The following SP2 variants were observed in gnomAD, a reference collection of about 807,000 sequenced individuals.
SP2 encodes the protein Sp2 transcription factor.
A neutral mutation model predicts 50.1 loss-of-function variants in SP2; 9 were observed. The ratio of observed to expected loss-of-function variants is 0.18; its 90% CI spans 0.11 to 0.31. The LOEUF (loss-of-function observed/expected upper bound fraction) is 0.31. Ranked by LOEUF, SP2 falls within the 10% of genes least tolerant of loss-of-function variation. The probability of loss-of-function intolerance (pLI) is 1.00; values close to 1 mark genes in which losing one functional copy is unlikely to be tolerated. For missense variants in SP2, 581 were observed against 806.5 expected (o/e 0.72, Z 3.39); for synonymous variants, 313 against 326.6 (o/e 0.96, Z 0.45).
intron 1 of SP2, among the ~76,000 whole-genome samples, chr17:47,912,140 C>T (rs2035016082): frequency 6.6e-6 from 1 of 152,206 alleles, no homozygotes; most frequent in Non-Finnish European, 1.5e-5. Flanking sequence ...ATGACCTGTT[C>T]TTCTATATTA....
Position 47,927,920 on chromosome 17 carries a change from G to A in SP2, c.*96G>A. The stretch of plus-strand genomic sequence containing the variant: ...GGAGCCCTGTGGCTGCCTTGGGCCT[G>A]CCCTCAGCCCCACTCCTGTTCTGCA... On this transcript the variant is annotated 3_prime_UTR_variant, in exon 7 of 7. Transcript: ENST00000376741. 1 of 734,864 alleles carries A rather than the reference G, an allele frequency of 1.4e-6. No homozygotes were observed. The highest frequency in any genetic ancestry group is 1.6e-5 in the South Asian group (1 of 63,134). The allele number at this position is 734,864 out of a possible 1,614,324, so 45.5% of individuals were successfully genotyped here. A position where few individuals can be genotyped will look rare whatever the true frequency, so the allele number is the denominator to read the frequency against.
At chr17:47,910,920 T>A (rs1438001459) in intron 1 of SP2, among the ~76,000 whole-genome samples, 1 of 152,206 alleles carries the variant, frequency 6.6e-6, no homozygotes, top group Non-Finnish European at 1.5e-5. Context: ...CTATGGTATA[T>A]GTTCATTTTT....
intron 3 of SP2, among the ~76,000 whole-genome samples, chr17:47,920,047 C>T (rs2035386123): frequency 6.6e-6 from 1 of 151,588 alleles, no homozygotes; most frequent in Non-Finnish European, 1.5e-5. Context: ...ACCGTGTTGG[C>T]CAGGATGACT....
In SP2 at chr17:47,902,435, G is replaced by A. The variant is rs141568979; in HGVS notation, c.7+6142G>A. Among the ~76,000 whole-genome samples the A allele has an allele frequency of 8.2e-4, 125 of 152,304 alleles. 1 individual carries two copies. The highest frequency in any genetic ancestry group is 2.8e-3 in the African/African-American group (118 of 41,566). On this transcript the variant is annotated intron_variant, in intron 1 of 6. Coordinates refer to ENST00000376741, the MANE Select transcript of SP2 (RefSeq NM_003110.6). The stretch of plus-strand genomic sequence containing the variant: ...AAGTGTGATGGGTCTTACTCTGGAT[G>A]TGTTGAGAATAGACTGATGGGGTCA...
intron 5 of SP2, 26 bp from the exon 6 acceptor site, chr17:47,925,322 C>A: frequency 6.3e-7 from 1 of 1,595,958 alleles, no homozygotes; most frequent in South Asian, 1.1e-5. Context: ...CTATTCCCTC[C>A]ACTCCACCCT....
chr17:47,911,234 TAAAC>T (rs1010543960), intron 1 of SP2, among the ~76,000 whole-genome samples: 4 of 151,852 alleles, frequency 2.6e-5, no homozygotes, highest in African/African-American at 4.8e-5. Flanking sequence ...TCTAAATAAA[TAAAC>T]AAACAAATAA....
Position 47,916,117 on chromosome 17 carries a change from C to G in SP2, c.85-39C>G. ...GGACAGAGGCGGCCGGGCAGCGGGC[C>G]TTCCTGTCTCACTCCTTTTCTCTGC... On this transcript the variant is annotated intron_variant, in intron 2 of 6. Transcript: ENST00000376741. The surrounding 1 kb of genome is among the most constrained non-coding windows in gnomAD (Gnocchi z 4.7). The G allele has an allele frequency of 6.4e-7, 1 of 1,562,968 alleles. No individual in the cohort carries two copies. Among genetic ancestry groups the G allele is most frequent in the Non-Finnish European group, 8.7e-7 (1 of 1,154,054 alleles).
chr17:47,916,371 A>G lies in SP2; in HGVS notation c.300A>G (p.Gln100=). The change falls in exon 3 of 7, where the codon CAA becomes CAG. Residue 100 remains glutamine (Q), a synonymous_variant. Coordinates refer to ENST00000376741, the MANE Select transcript of SP2 (RefSeq NM_003110.6). The surrounding 1 kb of genome is among the most constrained non-coding windows in gnomAD (Gnocchi z 4.7). ...KGNILQIQGS[Q]LSASYPGGQL... ...ATATACTTCAGATTCAGGGGTCACA[A>G]CTGAGCGCCTCCTATCCTGGAGGGC... 1 of 1,614,016 alleles carries G rather than the reference A, an allele frequency of 6.2e-7. No homozygotes were observed. The highest frequency in any genetic ancestry group is 8.5e-7 in the Non-Finnish European group (1 of 1,179,984).
chr17:47,918,289 C>G (rs764435479), intron 3 of SP2, among the ~76,000 whole-genome samples: 22 of 152,164 alleles, frequency 1.4e-4, no homozygotes, highest in Non-Finnish European at 2.9e-4. Context: ...ATTCACCCTT[C>G]TGGCATATTT....
Position 47,911,729 on chromosome 17 carries a change from C to T in SP2, c.8-3583C>T, listed in dbSNP as rs187144300. Reference sequence around the variant, plus strand: ...CTGAGGCAGGAGAATGGCGTGAACCCGGGAGGCGGAGCTTGCAGTGAGCAG... The same window carrying T: ...CTGAGGCAGGAGAATGGCGTGAACCTGGGAGGCGGAGCTTGCAGTGAGCAG... On this transcript the variant is annotated intron_variant, in intron 1 of 6. Transcript: ENST00000376741. Among the ~76,000 whole-genome samples, 1,023 of 150,904 alleles carry T rather than the reference C, an allele frequency of 6.8e-3. 7 individuals are homozygous for T. The highest frequency in any genetic ancestry group is 0.018 in the South Asian group (84 of 4,776).
Position 47,923,095 on chromosome 17 carries a change from G to C in SP2, c.1193G>C (p.Ser398Thr). 1 of 1,614,248 alleles carries C rather than the reference G, an allele frequency of 6.2e-7. No individual in the cohort carries two copies. Among genetic ancestry groups the C allele is most frequent in the Non-Finnish European group, 8.5e-7 (1 of 1,180,046 alleles). ...ASRAPHLSGTSKKHSAAILRK... is the reference protein window; with the variant it reads ...ASRAPHLSGTTKKHSAAILRK... ...CGTGCTCCCCATCTGAGTGGGACCA[G>C]CAAAAAGCACTCAGCTGCAATTCTC... Residue 398 changes from serine to threonine, a missense_variant, in exon 4 of 7, where the codon AGC (serine) becomes ACC (threonine). Coordinates refer to ENST00000376741, the MANE Select transcript of SP2 (RefSeq NM_003110.6).
At chr17:47,903,304 A>G (rs1012394648) in intron 1 of SP2, among the ~76,000 whole-genome samples, 1 of 152,246 alleles carries the variant, frequency 6.6e-6, no homozygotes, top group Non-Finnish European at 1.5e-5. Flanking sequence ...GAACCAGCAA[A>G]GGAGATATGG....
intron 1 of SP2, among the ~76,000 whole-genome samples, chr17:47,903,908 G>A (rs1329347117): frequency 2.0e-5 from 3 of 151,790 alleles, no homozygotes; most frequent in African/African-American, 7.3e-5. Context: ...AGGTTGCAGT[G>A]AGCTGAGATT....
At chr17:47,929,317 G>A (rs944746454), downstream of SP2, among the ~76,000 whole-genome samples, 1 of 152,374 alleles carries the variant, frequency 6.6e-6, no homozygotes, top group South Asian at 2.1e-4. Flanking sequence ...CCTGGAGGAA[G>A]GCATTGGCCT....
chr17:47,913,559 C>T (rs554330835), intron 1 of SP2, among the ~76,000 whole-genome samples: 122 of 152,178 alleles, frequency 8.0e-4, no homozygotes, highest in African/African-American at 2.8e-3. Flanking sequence ...TTTCCTGATA[C>T]TGTGTTTCTT....
intron 1 of SP2, among the ~76,000 whole-genome samples, chr17:47,901,392 G>A (rs917351629): frequency 5.3e-5 from 8 of 152,024 alleles, no homozygotes; most frequent in African/African-American, 1.7e-4. Context: ...TGATCCATCC[G>A]CCTCAGCCTC....
At chr17:47,904,863 G>A (rs1047532753) in intron 1 of SP2, among the ~76,000 whole-genome samples, 4 of 152,134 alleles carry the variant, frequency 2.6e-5, no homozygotes, top group African/African-American at 9.7e-5. Context: ...TCGACTTCCT[G>A]GACTCAAGCA....
At chr17:47,911,759 C>T (rs994822476) in intron 1 of SP2, among the ~76,000 whole-genome samples, 12 of 150,360 alleles carry the variant, frequency 8.0e-5, no homozygotes, top group Admixed American at 2.7e-4. Flanking sequence ...GAGCAGAGAT[C>T]GTGTCACCGC....
At chr17:47,920,240 C>G (rs995110510) in intron 3 of SP2, among the ~76,000 whole-genome samples, 1 of 151,892 alleles carries the variant, frequency 6.6e-6, no homozygotes, top group Non-Finnish European at 1.5e-5. Context: ...CTCAGCCTCC[C>G]GAATAGCTGG....
Sources: allele counts gnomAD v4.1 joint callset (sites outside exome capture counted in the v4.1 genomes callset), GRCh38; gene constraint gnomAD v4.1.1; non-coding constraint Gnocchi (gnomAD v3.1); transcripts MANE v1.5; gene names NCBI Gene and HGNC (gene_info 2026-07-23, HGNC 2026-07-21).